Variants in TTI2 observed in about 807,000 individuals in gnomAD.
TTI2 encodes TELO2-interacting protein 2.
TTI2 carries 26 observed loss-of-function variants against 44.9 expected under a neutral mutation model. The observed-to-expected ratio is 0.58, with a 90% CI of 0.42 to 0.80. The LOEUF (loss-of-function observed/expected upper bound fraction) is 0.80. TTI2 is among the 30% of genes least tolerant of loss of function. TTI2 has a pLI of 0.00. For synonymous variants in TTI2, 254 were observed against 250.9 expected, an observed-to-expected ratio of 1.01 and a Z score of -0.12; for missense variants, 582 against 611.6, an observed-to-expected ratio of 0.95 and a Z score of 0.51.
rs199946674 is a variant in TTI2, at chr8:33,512,198, C to G, written c.416G>C (p.Trp139Ser). 1.9e-6 allele frequency: 3 copies of G among 1,614,100 alleles called. No individual in the cohort carries two copies. Among genetic ancestry groups the G allele is most frequent in the African/African-American group, 1.3e-5 (1 of 74,936 alleles). Residue 139 changes from tryptophan to serine, a missense_variant, in exon 2 of 8, where the codon TGG becomes TCG. Trp to Ser is a radical substitution (Grantham distance 177). Transcript: ENST00000431156. ...TGCCAAGTGATGCAGGCCCGTCTGC[C>G]ATGCAGGGCCGACCAGGGAATTCTT... ...TAKNSLVGPA[W>S]QTGLHHLAGP...
Position 33,512,207 on chromosome 8 carries a change from C to G in TTI2, c.407G>C (p.Gly136Ala). ...ATGCAGGCCCGTCTGCCATGCAGGGCCGACCAGGGAATTCTTAGCAGTCTC... is the reference window on the plus strand; with the variant it reads ...ATGCAGGCCCGTCTGCCATGCAGGGGCGACCAGGGAATTCTTAGCAGTCTC... ...KVETAKNSLV[G>A]PAWQTGLHHL... The change falls in exon 2 of 8, where the codon GGC (glycine) becomes GCC (alanine). Residue 136 changes from glycine (G) to alanine (A), a missense_variant. By Grantham distance (60) the Gly-to-Ala change is moderately conservative. Transcript: ENST00000431156. 1 of 1,614,182 alleles carries G rather than the reference C, an allele frequency of 6.2e-7. No homozygotes were observed. Among genetic ancestry groups the G allele is most frequent in the East Asian group, 2.2e-5 (1 of 44,874 alleles).
chr8:33,499,562 A>G, intron 7 of TTI2: 3 of 333,194 alleles, frequency 9.0e-6, no homozygotes, highest in Non-Finnish European at 1.7e-5. Context: ...ATTCAGTTGG[A>G]TCTAGGGCTT....
chr8:33,504,077 C>G (rs1225947641), intron 4 of TTI2, 142 bp from the exon 5 acceptor site: 1 of 826,774 alleles, frequency 1.2e-6, no homozygotes, highest in Non-Finnish European at 2.0e-6. Flanking sequence ...CATATATGAA[C>G]TGCACATTAC....
Position 33,509,748 on chromosome 8 carries a change from C to A in TTI2, c.832G>T (p.Val278Leu), listed in dbSNP as rs761173417. ...VHCLHHIVLN[V>L]PAADLLQYNR... ...ATGACAAGCCAGAGGTTGCTTACCA[C>A]ATTAAGCACAATGTGATGGAGACAG... The change falls in exon 3 of 8, where the codon GTG becomes TTG. Residue 278 changes from valine to leucine, a missense_variant and splice_region_variant. By Grantham distance (32) the Val-to-Leu change is conservative. Coordinates refer to ENST00000431156, the MANE Select transcript of TTI2 (RefSeq NM_001102401.4). The A allele has an allele frequency of 3.1e-6, 5 of 1,614,024 alleles. No homozygotes were observed. The South Asian group carries it at 4.4e-5, about 14-fold the overall frequency.
In TTI2 at chr8:33,508,617, C is replaced by CAA. The variant is rs55717202; in HGVS notation, c.834+1127_834+1128dup. Among the ~76,000 whole-genome samples the CAA allele has an allele frequency of 1.5e-3, 95 of 63,940 alleles. 13 individuals are homozygous for CAA. Among genetic ancestry groups the CAA allele is most frequent in the South Asian group, 3.2e-3 (4 of 1,266 alleles). The allele number at this position is 63,940 out of a possible 152,430, so 41.9% of individuals were successfully genotyped here. A position where few individuals can be genotyped will look rare whatever the true frequency, so the allele number is the denominator to read the frequency against. ...TAAGCGACAGAGCAAGACTCTGCCT[C>CAA]AAAAAAAAAAAAAAAAAAAAAAGGG... is the stretch of plus-strand genomic sequence containing the variant. On this transcript the variant is annotated intron_variant, in intron 3 of 7. Transcript: ENST00000431156.
In TTI2 at chr8:33,512,660, T is replaced by A. The variant is rs566712556; in HGVS notation, c.-47A>T. The A allele has an allele frequency of 1.9e-6, 3 of 1,603,008 alleles. No individual in the cohort carries two copies. The highest frequency in any genetic ancestry group is 2.5e-6 in the Non-Finnish European group (3 of 1,177,676). On this transcript the variant is annotated 5_prime_UTR_variant, in exon 2 of 8. Transcript: ENST00000431156. ...GCTGGTCTCTCCCACAGAACGAGGA[T>A]GGAGGCGGGGAGGGATCCGTTGAAG...
chr8:33,507,401 T>C, intron 3 of TTI2, 80 bp from the exon 4 acceptor site: 8 of 1,272,656 alleles, frequency 6.3e-6, no homozygotes, highest in Non-Finnish European at 9.1e-6. Flanking sequence ...AATTGGATTA[T>C]GGGTATGAAG....
chr8:33,509,937 G>A lies in TTI2; in HGVS notation c.648-5C>T. 1 of 1,323,134 alleles carries A rather than the reference G, an allele frequency of 7.6e-7. No individual in the cohort carries two copies. Among genetic ancestry groups the A allele is most frequent in the Middle Eastern group, 2.5e-4 (1 of 4,078 alleles). 82.0% of individuals were successfully genotyped at this position (1,323,134 alleles called of 1,614,324 possible). A position where few individuals can be genotyped will look rare whatever the true frequency, so the allele number is the denominator to read the frequency against. ...GGGTTATTCTTCCAGGATTCCCTAA[G>A]TGAATACATAGAATTACATTAAGTG... is the stretch of plus-strand genomic sequence containing the variant. On this transcript the variant is annotated splice_polypyrimidine_tract_variant and splice_region_variant and intron_variant, in intron 2 of 7. Transcript: ENST00000431156.
rs186443359 is a variant in TTI2, at chr8:33,512,033, C to T, written c.581G>A (p.Gly194Glu). The change falls in exon 2 of 8, where the codon GGA becomes GAA. Residue 194 changes from glycine to glutamate, a missense_variant. Transcript: ENST00000431156. ...ECGSVAGFLHGENEDEKGRLS... is the reference protein window; with the variant it reads ...ECGSVAGFLHEENEDEKGRLS... ...TCTCCCTTTCTCATCTTCATTTTCT[C>T]CATGTAGGAATCCTGCCACAGAACC... The T allele has an allele frequency of 6.2e-7, 1 of 1,614,030 alleles. No individual in the cohort carries two copies. The highest frequency in any genetic ancestry group is 1.3e-5 in the African/African-American group (1 of 74,920).
In TTI2 at chr8:33,512,293, G is replaced by A; in HGVS notation, c.321C>T (p.Ser107=). 1.2e-6 allele frequency: 2 copies of A among 1,614,142 alleles called. No homozygotes were observed. The highest frequency in any genetic ancestry group is 1.1e-5 in the South Asian group (1 of 91,084). ...CTTGGGCTGCTTTCTCGGCCGCTTC[G>A]GAGTGCCCATCACCTCCACCTTCCT... ...KEEEGGGDGH[S]EAAEKAAQVG... The change falls in exon 2 of 8, where the codon TCC becomes TCT. Residue 107 remains serine (S), a synonymous_variant. Transcript: ENST00000431156.
chr8:33,504,598 GGAA>G lies in TTI2; in HGVS notation c.928-666_928-664del, dbSNP rs1455235179. On this transcript the variant is annotated intron_variant, in intron 4 of 7. Coordinates refer to ENST00000431156, the MANE Select transcript of TTI2 (RefSeq NM_001102401.4). ...TCTTTTGGCTTCCCTGGGTCACAGT[GGAA>G]GAAGAATTGTCTTGGGCTACATATA... Among the ~76,000 whole-genome samples, 8 of 152,000 alleles carry G rather than the reference GGAA, an allele frequency of 5.3e-5. No individual in the cohort carries two copies. In the South Asian group the frequency reaches 8.3e-4, roughly 16 times the overall value.
Position 33,498,769 on chromosome 8 carries a change from C to A in TTI2, c.*404G>T. 1.3e-6 allele frequency: 1 copy of A among 753,350 alleles called. No individual in the cohort carries two copies. Among genetic ancestry groups the A allele is most frequent in the Non-Finnish European group, 2.1e-6 (1 of 470,796 alleles). 46.7% of individuals were successfully genotyped at this position (753,350 alleles called of 1,614,324 possible). On this transcript the variant is annotated 3_prime_UTR_variant, in exon 8 of 8. Transcript: ENST00000431156. ...AATATTTGTGTTTTTATTATTTATG[C>A]CACGTCAGTGGGGCAAGAAATCTGG...
At position 33,500,407 on chromosome 8, in the gene TTI2, T is replaced by A. The variant is rs1395233997; in HGVS notation, c.1343A>T (p.Glu448Val). ...DVARDPNLTP[E>V]SVKSALLQEA... ...CTGTAGCAGGGCGCTCTTAACAGAC[T>A]CAGGTGTAAGGTTTGGATCCCTTGC... is the stretch of plus-strand genomic sequence containing the variant. The change falls in exon 7 of 8, where the codon GAG (glutamate) becomes GTG (valine). Residue 448 changes from glutamate to valine, a missense_variant. Physicochemically the swap from Glu to Val is moderately radical, Grantham distance 121. Coordinates refer to ENST00000431156, the MANE Select transcript of TTI2 (RefSeq NM_001102401.4). The A allele has an allele frequency of 6.2e-7, 1 of 1,614,150 alleles. No individual in the cohort carries two copies. Among genetic ancestry groups the A allele is most frequent in the Admixed American group, 1.7e-5 (1 of 60,012 alleles).
At chr8:33,511,599 T>C (rs59626204) in intron 2 of TTI2, among the ~76,000 whole-genome samples, 1 of 152,006 alleles carries the variant, frequency 6.6e-6, no homozygotes, top group Non-Finnish European at 1.5e-5. Flanking sequence ...TATAAAAAAT[T>C]AAGCTAGGGC....
At chr8:33,511,915 A>G in intron 2 of TTI2, 52 bp downstream of exon 2, 1 of 1,574,338 alleles carries the variant, frequency 6.4e-7, no homozygotes, top group Admixed American at 1.7e-5. Context: ...ATAAAAAATA[A>G]AAATAAAAAA....
At position 33,501,266 on chromosome 8, in the gene TTI2, G is replaced by A. The variant is rs1022068590; in HGVS notation, c.1260-776C>T. ...ATAAATCATATTTATGGACAGATGC[G>A]TGACTGGGAGAAAAAAGTTTTCATC... On this transcript the variant is annotated intron_variant, in intron 6 of 7. Coordinates refer to ENST00000431156, the MANE Select transcript of TTI2 (RefSeq NM_001102401.4). 2.0e-5 allele frequency: 3 copies of A among 152,138 alleles called. No individual in the cohort carries two copies. In the East Asian group the frequency reaches 5.8e-4, roughly 29 times the overall value. The allele number at this position is 152,138 out of a possible 1,614,324, so 9.4% of individuals were successfully genotyped here. A position where few individuals can be genotyped will look rare whatever the true frequency, so the allele number is the denominator to read the frequency against.
In TTI2 at chr8:33,512,602, G is replaced by C; in HGVS notation, c.12C>G (p.Asp4Glu). 1 of 1,613,150 alleles carries C rather than the reference G, an allele frequency of 6.2e-7. No individual in the cohort carries two copies. The highest frequency in any genetic ancestry group is 1.3e-5 in the African/African-American group (1 of 75,030). MEL[D>E]SALEAPSQED... is the part of the protein sequence containing the mutation. ...CCTGCGATGGGGCTTCCAGAGCGCT[G>C]TCAAGCTCCATTCCTGACTGCAGCA... Residue 4 changes from aspartate (D) to glutamate (E), a missense_variant, in exon 2 of 8, where the codon GAC becomes GAG. Physicochemically the swap from Asp to Glu is conservative, Grantham distance 45. Coordinates refer to ENST00000431156, the MANE Select transcript of TTI2 (RefSeq NM_001102401.4).
chr8:33,499,060 C>T lies in TTI2; in HGVS notation c.*113G>A. On this transcript the variant is annotated 3_prime_UTR_variant, in exon 8 of 8. Transcript: ENST00000431156. The stretch of plus-strand genomic sequence containing the variant: ...AAAAGGAAAGGAAGGAAGGAAAAAG[C>T]AGCTTTCACTTACAAAGTTTCGTGT... 1 of 878,986 alleles carries T rather than the reference C, an allele frequency of 1.1e-6. No individual in the cohort carries two copies. The highest frequency in any genetic ancestry group is 1.8e-6 in the Non-Finnish European group (1 of 540,804). 54.4% of individuals were successfully genotyped at this position (878,986 alleles called of 1,614,324 possible).
At position 33,511,971 on chromosome 8, in the gene TTI2, A is replaced by G. The variant is rs757200401; in HGVS notation, c.643T>C (p.Tyr215His). The G allele has an allele frequency of 4.1e-5, 66 of 1,614,108 alleles. No individual in the cohort carries two copies. The highest frequency in any genetic ancestry group is 5.6e-5 in the Non-Finnish European group (66 of 1,180,048). Residue 215 changes from tyrosine to histidine, a missense_variant, in exon 2 of 8, where the codon TAT becomes CAT. Tyr to His is a moderately conservative substitution (Grantham distance 83). Coordinates refer to ENST00000431156, the MANE Select transcript of TTI2 (RefSeq NM_001102401.4). ...VILGLLKPDLYKESWKNNPAI... is the reference protein window; with the variant it reads ...VILGLLKPDLHKESWKNNPAI... ...GCAAAGGGCAGGAGTACTCACTTATACAAGTCGGGTTTGAGAAGCCCTAGT... is the reference window on the plus strand; with the variant it reads ...GCAAAGGGCAGGAGTACTCACTTATGCAAGTCGGGTTTGAGAAGCCCTAGT...
Sources: gnomAD v4.1 joint callset for allele counts (sites outside exome capture counted in the v4.1 genomes callset) on GRCh38, gnomAD v4.1.1 for gene constraint, MANE v1.5 for transcripts, NCBI Gene and HGNC (gene_info 2026-07-23, HGNC 2026-07-21) for gene names.